PLA2R1: variants seen among roughly 807,000 people sequenced by gnomAD.
The protein encoded by PLA2R1 is phospholipase A2 receptor 1.
In PLA2R1, 158 loss-of-function variants were observed where a neutral mutation model predicts 195.9. The observed-to-expected ratio is 0.81, with a 90% CI of 0.71 to 0.92. The LOEUF is 0.92. Among genes scored for constraint, PLA2R1 ranks in the 40% least tolerant of loss-of-function variants. The pLI, the probability that PLA2R1 is intolerant of heterozygous loss-of-function variation, is 0.00. For missense variants in PLA2R1, 1,626 were observed against 1,764.6 expected (o/e 0.92, Z 1.41); for synonymous variants, 586 against 598.2 (o/e 0.98, Z 0.30).
intron 11 of PLA2R1, 117 bp downstream of exon 11, chr2:160,005,535 A>AT: frequency 1.4e-6 from 1 of 731,302 alleles, no homozygotes; most frequent in East Asian, 2.6e-5. Flanking sequence ...GATCCTTGTA[A>AT]TTGATTTAGG....
intron 11 of PLA2R1, among the ~76,000 whole-genome samples, chr2:159,993,859 T>A (rs1477642376): frequency 6.6e-6 from 1 of 152,060 alleles, no homozygotes; most frequent in African/African-American, 2.4e-5. Context: ...GGGTCACAGA[T>A]GAAGGATGCT....
At position 160,028,907 on chromosome 2, in the gene PLA2R1, G is replaced by A; in HGVS notation, c.898C>T (p.His300Tyr). ...VWMGLNQLDEHAGWQWSDGTP... is the reference protein window; with the variant it reads ...VWMGLNQLDEYAGWQWSDGTP... ...CCATCAGACCACTGCCAGCCAGCGT[G>A]TTCATCCAGCTGATTGAGGCCCATC... The change falls in exon 5 of 30, where the codon CAC (histidine) becomes TAC (tyrosine). Residue 300 changes from histidine (H) to tyrosine (Y), a missense_variant. Transcript: ENST00000283243. 1 of 1,611,632 alleles carries A rather than the reference G, an allele frequency of 6.2e-7. No homozygotes were observed. Among genetic ancestry groups the A allele is most frequent in the Non-Finnish European group, 8.5e-7 (1 of 1,177,856 alleles).
chr2:160,057,374 C>T (rs1367207514), intron 1 of PLA2R1, among the ~76,000 whole-genome samples: 1 of 152,194 alleles, frequency 6.6e-6, no homozygotes, highest in Non-Finnish European at 1.5e-5. Flanking sequence ...TTACAACCAA[C>T]TCCACGTTTG....
intron 28 of PLA2R1, among the ~76,000 whole-genome samples, chr2:159,944,164 T>A (rs980428165): frequency 6.6e-6 from 1 of 152,188 alleles, no homozygotes; most frequent in Non-Finnish European, 1.5e-5. Flanking sequence ...TTTGCTCTAA[T>A]TGAAACACAT....
chr2:160,012,262 C>T (rs2105427368), intron 10 of PLA2R1, among the ~76,000 whole-genome samples: 1 of 152,288 alleles, frequency 6.6e-6, no homozygotes, highest in South Asian at 2.1e-4. Flanking sequence ...CCTGTGGCAC[C>T]ACTGGAGTTC....
At chr2:159,968,412 G>A (rs1297259090) in intron 19 of PLA2R1, among the ~76,000 whole-genome samples, 1 of 152,148 alleles carries the variant, frequency 6.6e-6, no homozygotes, top group Non-Finnish European at 1.5e-5. Context: ...TTGAAGGAAG[G>A]GCTGGAATGC....
intron 1 of PLA2R1, among the ~76,000 whole-genome samples, chr2:160,059,995 C>A (rs1000877567): frequency 7.9e-5 from 12 of 152,152 alleles, no homozygotes; most frequent in African/African-American, 2.7e-4. Flanking sequence ...CAAACCATAT[C>A]AAGAATTATT....
At chr2:160,007,510 C>T (rs1692076949) in intron 10 of PLA2R1, among the ~76,000 whole-genome samples, 1 of 152,216 alleles carries the variant, frequency 6.6e-6, no homozygotes, top group South Asian at 2.1e-4. Context: ...AGGAACACAC[C>T]GGTGGAAGAG....
intron 1 of PLA2R1, among the ~76,000 whole-genome samples, chr2:160,047,791 A>G (rs2105637594): frequency 6.6e-6 from 1 of 152,298 alleles, no homozygotes; most frequent in Non-Finnish European, 1.5e-5. Flanking sequence ...TAGACATGAA[A>G]ATTACAAACC....
chr2:160,051,282 T>C (rs1443533982), intron 1 of PLA2R1, among the ~76,000 whole-genome samples: 1 of 152,192 alleles, frequency 6.6e-6, no homozygotes, highest in Non-Finnish European at 1.5e-5. Flanking sequence ...AGACAAGCTA[T>C]TAGAAAGCCA....
chr2:160,057,276 C>T (rs762216450), intron 1 of PLA2R1, among the ~76,000 whole-genome samples: 5 of 152,140 alleles, frequency 3.3e-5, no homozygotes, highest in Non-Finnish European at 5.9e-5. Context: ...TAAAGTAATG[C>T]TTCATGTCAG....
intron 25 of PLA2R1, 46 bp downstream of exon 25, chr2:159,949,560 CAG>C (rs759068121): frequency 7.3e-7 from 1 of 1,376,288 alleles, no homozygotes; most frequent in African/African-American, 1.4e-5. Flanking sequence ...GTCTTGCATA[CAG>C]TAGTTAAATA....
Position 160,020,683 on chromosome 2 carries a change from C to T in PLA2R1, c.1295-420G>A, listed in dbSNP as rs1019219380. Reference sequence around the variant, plus strand: ...CTCTCCATGTGATGCCCTGTGCCACCATGGGACTCTGCAGAGAATCCCCAC... The same window carrying T: ...CTCTCCATGTGATGCCCTGTGCCACTATGGGACTCTGCAGAGAATCCCCAC... On this transcript the variant is annotated intron_variant, in intron 7 of 29. Transcript: ENST00000283243. 1.1e-4 allele frequency among the ~76,000 whole-genome samples: 17 copies of T among 152,178 alleles called. 1 individual carries two copies. Among genetic ancestry groups the T allele is most frequent in the African/African-American group, 3.6e-4 (15 of 41,442 alleles).
rs1421495043 is a variant in PLA2R1 at position 160,045,237 on chromosome 2, T to A, written c.110-80A>T. 1.8e-5 allele frequency: 20 copies of A among 1,096,948 alleles called. 1 individual carries two copies. The South Asian group carries it at 2.7e-4, about 15-fold the overall frequency. The allele number at this position is 1,096,948 out of a possible 1,614,324, so 68.0% of individuals were successfully genotyped here. A position where few individuals can be genotyped will look rare whatever the true frequency, so the allele number is the denominator to read the frequency against. On this transcript the variant is annotated intron_variant, in intron 1 of 29. Coordinates refer to ENST00000283243, the MANE Select transcript of PLA2R1 (RefSeq NM_007366.5). ...TCATGAGGATCTCAGTGTGCATATC[T>A]AAGTGCGATATGCGACAGTTGCCAG...
intron 1 of PLA2R1, among the ~76,000 whole-genome samples, chr2:160,050,186 C>A (rs1199086921): frequency 2.0e-5 from 3 of 152,042 alleles, no homozygotes; most frequent in Admixed American, 2.0e-4. Flanking sequence ...AGAAAATAAA[C>A]CCAAATTTAA....
intron 19 of PLA2R1, 131 bp from the exon 20 acceptor site, chr2:159,967,809 A>C (rs1380563874): frequency 1.5e-6 from 1 of 682,114 alleles, no homozygotes; most frequent in Non-Finnish European, 2.2e-6. Context: ...AAACTGAACT[A>C]AACTACTGAT....
intron 22 of PLA2R1, 146 bp downstream of exon 22, chr2:159,955,552 A>G (rs1688032125): frequency 2.6e-6 from 1 of 390,244 alleles, no homozygotes; most frequent in African/African-American, 2.1e-5. Flanking sequence ...GAACACATAA[A>G]ATTACATTAA....
chr2:159,950,784 TAG>T (rs1687686426), intron 24 of PLA2R1, among the ~76,000 whole-genome samples: 1 of 152,072 alleles, frequency 6.6e-6, no homozygotes, highest in Non-Finnish European at 1.5e-5. Context: ...CATTAGGGAG[TAG>T]AACTAGGGGT....
At chr2:159,965,667 G>A (rs577673371) in intron 20 of PLA2R1, among the ~76,000 whole-genome samples, 22 of 152,274 alleles carry the variant, frequency 1.4e-4, no homozygotes, top group African/African-American at 5.1e-4. Context: ...CAAGGAGTGT[G>A]ATTGCTGGAT....
Sources: allele counts gnomAD v4.1 joint callset (sites outside exome capture counted in the v4.1 genomes callset), GRCh38; gene constraint gnomAD v4.1.1; transcripts MANE v1.5; gene names NCBI Gene and HGNC (gene_info 2026-07-23, HGNC 2026-07-21).